The following RSPRY1 variants were observed in gnomAD, a reference collection of about 807,000 sequenced individuals.
RSPRY1 encodes RING finger and SPRY domain-containing protein 1.
In RSPRY1, 23 loss-of-function variants were observed where a neutral mutation model predicts 73.1. The observed-to-expected ratio is 0.31, with a 90% CI of 0.23 to 0.45. The LOEUF (loss-of-function observed/expected upper bound fraction) is 0.45, where lower values mean the gene tolerates loss of function less well. Ranked by LOEUF, RSPRY1 falls within the 20% of genes least tolerant of loss-of-function variation. RSPRY1 has a pLI of 1.00. For missense variants in RSPRY1, 448 were observed against 698.7 expected (o/e 0.64, Z 4.05); for synonymous variants, 226 against 251.4 (o/e 0.90, Z 0.95).
intron 1 of RSPRY1, among the ~76,000 whole-genome samples, chr16:57,200,950 G>A (rs1235603150): frequency 2.3e-5 from 1 of 44,402 alleles, no homozygotes; most frequent in African/African-American, 7.6e-5. Flanking sequence ...GGCTGGCCGG[G>A]GGGGGGGGGG....
chr16:57,227,549 A>G lies in RSPRY1; in HGVS notation c.1273+96A>G, dbSNP rs568795743. 7.2e-6 allele frequency: 6 copies of G among 834,702 alleles called. No individual in the cohort carries two copies. The East Asian group carries it at 1.5e-4, about 22-fold the overall frequency. The allele number at this position is 834,702 out of a possible 1,614,324, so 51.7% of individuals were successfully genotyped here. On this transcript the variant is annotated intron_variant, in intron 11 of 14. Coordinates refer to ENST00000394420, the MANE Select transcript of RSPRY1 (RefSeq NM_133368.3). ...ATTAAGCCTTAAAATGTCTTAGGAG[A>G]AGATCAAATGTGAAAAGGGATATTA...
chr16:57,189,386 T>C (rs2074310928), intron 1 of RSPRY1, among the ~76,000 whole-genome samples: 1 of 152,050 alleles, frequency 6.6e-6, no homozygotes. Context: ...TAACTTTTCA[T>C]TTAGTAAGTA....
intron 4 of RSPRY1, among the ~76,000 whole-genome samples, chr16:57,210,224 T>G (rs1394500146): frequency 6.6e-6 from 1 of 151,720 alleles, no homozygotes; most frequent in Non-Finnish European, 1.5e-5. Context: ...ACTACAGGCA[T>G]GCACCACCAC....
At chr16:57,235,296 A>G in intron 14 of RSPRY1, 68 bp downstream of exon 14, 1 of 1,149,174 alleles carries the variant, frequency 8.7e-7, no homozygotes, top group Non-Finnish European at 1.3e-6. Flanking sequence ...GCTGTTCGTC[A>G]GGGTTTATTG....
rs145760573 is a variant in RSPRY1 at position 57,212,860 on chromosome 16, G to A, written c.517-112G>A. ...GAACTCTTGACCTTGTGGTCCGCCC[G>A]CCTCGGCCTCCCAAAGTGCTGGTTA... is the stretch of plus-strand genomic sequence containing the variant. On this transcript the variant is annotated intron_variant, in intron 4 of 14. Transcript: ENST00000394420. The A allele has an allele frequency of 1.1e-3, 1,189 of 1,098,990 alleles. 8 individuals carry two copies. In the African/African-American group the frequency reaches 0.017, roughly 15 times the overall value. 68.1% of individuals were successfully genotyped at this position (1,098,990 alleles called of 1,614,324 possible). A position where few individuals can be genotyped will look rare whatever the true frequency, so the allele number is the denominator to read the frequency against.
intron 1 of RSPRY1, among the ~76,000 whole-genome samples, chr16:57,188,865 T>A (rs2074299151): frequency 6.6e-6 from 1 of 152,184 alleles, no homozygotes; most frequent in Non-Finnish European, 1.5e-5. Context: ...TGTGATCCTA[T>A]ATTCTGTGGA....
intron 1 of RSPRY1, among the ~76,000 whole-genome samples, chr16:57,188,122 A>G (rs1180278925): frequency 2.6e-5 from 4 of 152,178 alleles, no homozygotes; most frequent in South Asian, 2.1e-4. Flanking sequence ...GCCCTAGACT[A>G]TAGATTATGA....
intron 6 of RSPRY1, among the ~76,000 whole-genome samples, chr16:57,215,654 T>A (rs1156526580): frequency 6.6e-6 from 1 of 152,252 alleles, no homozygotes; most frequent in Non-Finnish European, 1.5e-5. Flanking sequence ...AGCCATTAAT[T>A]GTTAATTTAA....
intron 1 of RSPRY1, among the ~76,000 whole-genome samples, chr16:57,202,940 T>G (rs541516306): frequency 6.7e-6 from 1 of 150,374 alleles, no homozygotes; most frequent in African/African-American, 2.4e-5. Flanking sequence ...TTTCTCTTTT[T>G]CTTCTATGTT....
intron 14 of RSPRY1, among the ~76,000 whole-genome samples, chr16:57,236,518 A>G (rs759348278): frequency 8.0e-5 from 12 of 150,192 alleles, no homozygotes; most frequent in Non-Finnish European, 1.0e-4. Flanking sequence ...CAATCCCCAG[A>G]GGAGACTGAA....
At chr16:57,208,205 T>G in intron 3 of RSPRY1, 95 bp downstream of exon 3, 1 of 715,748 alleles carries the variant, frequency 1.4e-6, no homozygotes, top group Non-Finnish European at 2.2e-6. Context: ...TGTTTTGAGA[T>G]AAAAGACTCC....
At chr16:57,237,951 T>A (rs1455496761) in intron 14 of RSPRY1, among the ~76,000 whole-genome samples, 1 of 152,138 alleles carries the variant, frequency 6.6e-6, no homozygotes, top group East Asian at 1.9e-4. Context: ...AGGAAGCATT[T>A]CAAGAGATGT....
chr16:57,206,290 C>T (rs531632663), intron 2 of RSPRY1, among the ~76,000 whole-genome samples: 84 of 152,216 alleles, frequency 5.5e-4, no homozygotes, highest in African/African-American at 1.9e-3. Flanking sequence ...CCTGTGATCC[C>T]AGCTACTCAG....
At position 57,214,860 on chromosome 16, in the gene RSPRY1, C is replaced by G. The variant is rs189973251; in HGVS notation, c.702+914C>G. Among the ~76,000 whole-genome samples, 57 of 152,246 alleles carry G rather than the reference C, an allele frequency of 3.7e-4. No homozygotes were observed. In the East Asian group the frequency reaches 0.01, roughly 27 times the overall value. ...CCTGGCCAACATGGCGAAACCTGGT[C>G]CCTACTAAAAATACAAAAATTAGCT... On this transcript the variant is annotated intron_variant, in intron 6 of 14. Transcript: ENST00000394420.
intron 1 of RSPRY1, among the ~76,000 whole-genome samples, chr16:57,202,086 C>T (rs530260464): frequency 6.6e-6 from 1 of 152,064 alleles, no homozygotes; most frequent in African/African-American, 2.4e-5. Context: ...CTTGGGAGGC[C>T]AAGATGAGAG....
chr16:57,213,891 C>T lies in RSPRY1; in HGVS notation c.647C>T (p.Pro216Leu), dbSNP rs1024698191. The T allele has an allele frequency of 5.0e-6, 8 of 1,601,294 alleles. No homozygotes were observed. Among genetic ancestry groups the T allele is most frequent in the Non-Finnish European group, 6.8e-6 (8 of 1,168,330 alleles). ...AGTGTTTGTTGTATTTGTCTAGGTC[C>T]TGCAAGTATAGGTTTACTTAGCCCA... ...LGCLAEKLAGPASIGLLSPGI... is the reference protein window; with the variant it reads ...LGCLAEKLAGLASIGLLSPGI... Residue 216 changes from proline to leucine, a missense_variant, in exon 6 of 15, where the codon CCT (proline) becomes CTT (leucine). By Grantham distance (98) the Pro-to-Leu change is moderately conservative (BLOSUM62 -3). Transcript: ENST00000394420.
At chr16:57,193,335 A>G (rs1233525340) in intron 1 of RSPRY1, among the ~76,000 whole-genome samples, 1 of 152,250 alleles carries the variant, frequency 6.6e-6, no homozygotes, top group Non-Finnish European at 1.5e-5. Flanking sequence ...GTCTAAAGAC[A>G]GAAACACTCT....
intron 6 of RSPRY1, 26 bp from the exon 7 acceptor site, chr16:57,216,081 T>TA (rs1166762663): frequency 6.5e-7 from 1 of 1,549,514 alleles, no homozygotes; most frequent in Admixed American, 1.9e-5. Flanking sequence ...TTTTTTTTTT[T>TA]TTTTTTATCT....
At chr16:57,201,845 G>A (rs1230331273) in intron 1 of RSPRY1, among the ~76,000 whole-genome samples, 1 of 152,232 alleles carries the variant, frequency 6.6e-6, no homozygotes, top group East Asian at 1.9e-4. Flanking sequence ...TGCAATCGCA[G>A]GCACTCGGCA....
Sources: gnomAD v4.1 joint callset for allele counts (sites outside exome capture counted in the v4.1 genomes callset) on GRCh38, gnomAD v4.1.1 for gene constraint, MANE v1.5 for transcripts, NCBI Gene and HGNC (gene_info 2026-07-23, HGNC 2026-07-21) for gene names.